The following ITGA9 variants were observed in gnomAD, a reference collection of about 807,000 sequenced individuals.
ITGA9 encodes the protein integrin alpha-9.
Under a neutral mutation model 127.8 loss-of-function variants are expected in ITGA9, and 56 were observed. The observed-to-expected ratio is 0.44, with a 90% CI of 0.35 to 0.55. ITGA9 has a LOEUF of 0.55. Ranked by LOEUF, ITGA9 falls within the 20% of genes least tolerant of loss-of-function variation. The pLI, the probability that ITGA9 is intolerant of heterozygous loss-of-function variation, is 0.00. For synonymous variants in ITGA9, 508 were observed against 514.5 expected (o/e 0.99, Z 0.17); for missense variants, 1,196 against 1,347.1 (o/e 0.89, Z 1.76).
chr3:37,741,848 A>G (rs953934516), intron 21 of ITGA9, 29 bp downstream of exon 21: 2 of 1,554,140 alleles, frequency 1.3e-6, no homozygotes, highest in Non-Finnish European at 1.8e-6. Context: ...GGTTGCCACA[A>G]CACAGGAGTG....
At chr3:37,807,770 G>C (rs975117732) in intron 27 of ITGA9, 2 of 152,454 alleles carry the variant, frequency 1.3e-5, no homozygotes, top group African/African-American at 2.4e-5. Flanking sequence ...GGGACAGTGT[G>C]GGGGCAAGAG....
intron 15 of ITGA9, among the ~76,000 whole-genome samples, chr3:37,623,127 G>A (rs959396630): frequency 5.3e-5 from 8 of 151,870 alleles, no homozygotes; most frequent in Non-Finnish European, 1.0e-4. Context: ...TGGGTCACTG[G>A]TCGTCTTTTC....
chr3:37,572,806 ATTCTTTAAGC>A (rs1310562305), intron 15 of ITGA9, among the ~76,000 whole-genome samples: 1 of 152,208 alleles, frequency 6.6e-6, no homozygotes, highest in Non-Finnish European at 1.5e-5. Context: ...CAGTTCTAAA[ATTCTTTAAGC>A]CTCGTTTAAT....
chr3:37,724,317 G>A (rs559430627), intron 18 of ITGA9, among the ~76,000 whole-genome samples: 2 of 152,266 alleles, frequency 1.3e-5, no homozygotes, highest in Admixed American at 1.3e-4. Flanking sequence ...CTACCCTAGA[G>A]TCACCTTTTT....
intron 4 of ITGA9, among the ~76,000 whole-genome samples, chr3:37,488,004 T>C (rs1698628143): frequency 6.6e-6 from 1 of 152,200 alleles, no homozygotes; most frequent in East Asian, 1.9e-4. Context: ...AGGAGACCAA[T>C]CTGCTCTAGT....
chr3:37,643,352 C>G (rs898122813), intron 16 of ITGA9, among the ~76,000 whole-genome samples: 2 of 152,200 alleles, frequency 1.3e-5, no homozygotes, highest in African/African-American at 4.8e-5. Context: ...TTCTCACTGA[C>G]CAGTGGAGAA....
At chr3:37,569,230 A>G (rs1205049256) in intron 15 of ITGA9, among the ~76,000 whole-genome samples, 1 of 152,204 alleles carries the variant, frequency 6.6e-6, no homozygotes, top group Non-Finnish European at 1.5e-5. Flanking sequence ...GGAACTCCTC[A>G]TTATAAAACC....
intron 16 of ITGA9, among the ~76,000 whole-genome samples, chr3:37,638,002 G>T (rs1241265019): frequency 6.6e-6 from 1 of 152,148 alleles, no homozygotes; most frequent in Non-Finnish European, 1.5e-5. Context: ...AGATGGCTGG[G>T]TGATTCTCAT....
At chr3:37,592,885 C>G (rs1699834195) in intron 15 of ITGA9, among the ~76,000 whole-genome samples, 2 of 152,172 alleles carry the variant, frequency 1.3e-5, no homozygotes, top group African/African-American at 4.8e-5. Flanking sequence ...AGTGAATGAA[C>G]TTGAGTCCCT....
At chr3:37,510,330 G>C (rs1314234783) in intron 8 of ITGA9, among the ~76,000 whole-genome samples, 1 of 152,176 alleles carries the variant, frequency 6.6e-6, no homozygotes, top group Non-Finnish European at 1.5e-5. Context: ...GAATTGTGGA[G>C]TTTCTGAGTA....
At position 37,782,810 on chromosome 3, in the gene ITGA9, C is replaced by G. The variant is rs116340685; in HGVS notation, c.2788-2167C>G. 9.7e-3 allele frequency among the ~76,000 whole-genome samples: 1,466 copies of G among 151,910 alleles called. 12 individuals carry two copies. The highest frequency in any genetic ancestry group is 0.017 in the Non-Finnish European group (1,137 of 67,948). On this transcript the variant is annotated intron_variant, in intron 25 of 27. Coordinates refer to ENST00000264741, the MANE Select transcript of ITGA9 (RefSeq NM_002207.3). The stretch of plus-strand genomic sequence containing the variant: ...TGAGGTTTTACTGTTTTGACCTTAA[C>G]AAGTTTTCATTTGAAATGTAGGATC...
In ITGA9 at chr3:37,683,991, C is replaced by T. The variant is rs146939332; in HGVS notation, c.2043C>T (p.Leu681=). The T allele has an allele frequency of 8.9e-5, 143 of 1,613,832 alleles. 1 individual carries two copies. The African/African-American group carries it at 1.8e-3, about 20-fold the overall frequency. ...TGTCCTTCAATGTTTCCCGGGAGCT[C>T]TTCTTCATCAACATGTGGCAGAAGG... The part of the protein sequence containing the change: ...ANVSFNVSRE[L]FFINMWQKEE... Residue 681 remains leucine, a synonymous_variant, in exon 18 of 28, where the codon CTC becomes CTT. Coordinates refer to ENST00000264741, the MANE Select transcript of ITGA9 (RefSeq NM_002207.3).
chr3:37,701,462 T>G (rs1700945579), intron 18 of ITGA9, among the ~76,000 whole-genome samples: 1 of 152,180 alleles, frequency 6.6e-6, no homozygotes, highest in Non-Finnish European at 1.5e-5. Flanking sequence ...CTGGGCTTAC[T>G]CCCACTGGGG....
chr3:37,654,459 A>G (rs1700458755), intron 17 of ITGA9, among the ~76,000 whole-genome samples: 1 of 152,184 alleles, frequency 6.6e-6, no homozygotes, highest in Non-Finnish European at 1.5e-5. Context: ...GGTCCTGATC[A>G]TTTAGCCTCA....
At chr3:37,712,360 A>G (rs1376562983) in intron 18 of ITGA9, among the ~76,000 whole-genome samples, 1 of 4,832 alleles carries the variant, frequency 2.1e-4, no homozygotes, top group African/African-American at 1.9e-3. Context: ...TGTCCTTCCC[A>G]CTTAGGGAAC....
intron 15 of ITGA9, among the ~76,000 whole-genome samples, chr3:37,609,530 A>C (rs527934741): frequency 6.6e-6 from 1 of 152,338 alleles, no homozygotes; most frequent in East Asian, 1.9e-4. Flanking sequence ...AAGGAATGAC[A>C]TGGTCCCCAC....
intron 11 of ITGA9, among the ~76,000 whole-genome samples, chr3:37,523,098 T>C (rs1381858710): frequency 6.6e-6 from 1 of 152,230 alleles, no homozygotes; most frequent in East Asian, 1.9e-4. Context: ...GAGCAGAGTG[T>C]TAAATATTTA....
chr3:37,557,016 C>T (rs1699437678), intron 15 of ITGA9, among the ~76,000 whole-genome samples: 1 of 152,194 alleles, frequency 6.6e-6, no homozygotes. Context: ...GTGTTGTCAG[C>T]AGTCAACTGA....
intron 18 of ITGA9, among the ~76,000 whole-genome samples, chr3:37,726,037 C>G (rs747397630): frequency 2.0e-5 from 3 of 152,232 alleles, no homozygotes; most frequent in Admixed American, 6.5e-5. Flanking sequence ...GCTGACTCAT[C>G]ATTGAGTGCT....
Sources: gnomAD v4.1 joint callset for allele counts (sites outside exome capture counted in the v4.1 genomes callset) on GRCh38, gnomAD v4.1.1 for gene constraint, MANE v1.5 for transcripts, NCBI Gene and HGNC (gene_info 2026-07-23, HGNC 2026-07-21) for gene names.